The following TEX9 variants were observed in gnomAD, a reference collection of about 807,000 sequenced individuals.
TEX9 encodes the protein testis expressed 9, also known as testis-expressed protein 9.
TEX9 carries 74 observed loss-of-function variants against 59.6 expected under a neutral mutation model. That is an observed-to-expected ratio of 1.24 (90% CI 1.03 to 1.51). The LOEUF is 1.51. Among genes scored for constraint, TEX9 ranks in the 40% most tolerant of loss-of-function variants. The pLI is 0.00. For missense variants in TEX9, 522 were observed against 447.8 expected, an observed-to-expected ratio of 1.17 and a Z score of -1.49; for synonymous variants, 186 against 152.2, an observed-to-expected ratio of 1.22 and a Z score of -1.64.
intron 1 of TEX9, among the ~76,000 whole-genome samples, chr15:56,338,424 A>G (rs1431867443): frequency 1.3e-5 from 2 of 152,214 alleles, no homozygotes; most frequent in African/African-American, 4.8e-5. Flanking sequence ...GGTGCAGTAT[A>G]TGATAGGACT....
At chr15:56,330,436 A>G (rs1414573938) in intron 1 of TEX9, among the ~76,000 whole-genome samples, 1 of 152,194 alleles carries the variant, frequency 6.6e-6, no homozygotes, top group Non-Finnish European at 1.5e-5. Context: ...AGAAAGACTA[A>G]GTGATGAACC....
intron 5 of TEX9, among the ~76,000 whole-genome samples, chr15:56,389,032 G>A (rs1440417836): frequency 6.6e-6 from 1 of 151,982 alleles, no homozygotes; most frequent in African/African-American, 2.4e-5. Context: ...ACTAAATTCT[G>A]TGAGTCAGAA....
chr15:56,272,754 A>G (rs1212257149), intron 1 of TEX9, among the ~76,000 whole-genome samples: 1 of 152,136 alleles, frequency 6.6e-6, no homozygotes, highest in Non-Finnish European at 1.5e-5. Context: ...AATGTATAAC[A>G]TACTCTTTTA....
chr15:56,399,237 A>G (rs1321822368), intron 9 of TEX9, among the ~76,000 whole-genome samples: 2 of 152,214 alleles, frequency 1.3e-5, no homozygotes, highest in African/African-American at 4.8e-5. Context: ...GTACCTGGAA[A>G]AATGGGACAC....
intron 7 of TEX9, among the ~76,000 whole-genome samples, chr15:56,393,474 A>T (rs963606168): frequency 6.6e-6 from 1 of 152,158 alleles, no homozygotes; most frequent in African/African-American, 2.4e-5. Flanking sequence ...CCTCAAGATA[A>T]ATTCCATGAT....
chr15:56,260,627 AT>A (rs2044244628), intron 1 of TEX9, among the ~76,000 whole-genome samples: 1 of 152,142 alleles, frequency 6.6e-6, no homozygotes, highest in East Asian at 1.9e-4. Flanking sequence ...CTTTTTACAT[AT>A]TCTTTGGATT....
At chr15:56,246,302 C>T (rs2043856273) in intron 1 of TEX9, among the ~76,000 whole-genome samples, 1 of 152,202 alleles carries the variant, frequency 6.6e-6, no homozygotes, top group East Asian at 1.9e-4. Flanking sequence ...TGAAGGAGAC[C>T]AGCAATGGGA....
intron 1 of TEX9, chr15:56,248,991 T>C (rs904084487): frequency 1.3e-5 from 2 of 152,226 alleles, no homozygotes; most frequent in African/African-American, 2.4e-5. Context: ...AGTTACTATA[T>C]TGGGACCTTA....
chr15:56,429,139 C>T, intron 12 of TEX9: 1 of 1,601,964 alleles, frequency 6.2e-7, no homozygotes, highest in Non-Finnish European at 8.5e-7. Flanking sequence ...TGTTGATATA[C>T]TTTCCTGAAC....
At chr15:56,402,234 C>T (rs531113282) in intron 9 of TEX9, among the ~76,000 whole-genome samples, 44 of 151,886 alleles carry the variant, frequency 2.9e-4, no homozygotes, top group African/African-American at 8.5e-4. Flanking sequence ...ATTGTTAGAC[C>T]GCTAGCAAGA....
chr15:56,247,429 C>T (rs1378508801), intron 1 of TEX9, among the ~76,000 whole-genome samples: 2 of 152,220 alleles, frequency 1.3e-5, no homozygotes, highest in Non-Finnish European at 2.9e-5. Flanking sequence ...TCATGGCTGG[C>T]ATTTTAATTG....
intron 12 of TEX9, chr15:56,429,123 C>G (rs750563476): frequency 6.3e-7 from 1 of 1,597,326 alleles, no homozygotes; most frequent in Non-Finnish European, 8.5e-7. Context: ...ACAAATTTCA[C>G]TCCTTTGTTG....
intron 10 of TEX9, among the ~76,000 whole-genome samples, chr15:56,425,883 T>C (rs1003718065): frequency 6.6e-6 from 1 of 152,160 alleles, no homozygotes; most frequent in Non-Finnish European, 1.5e-5. Flanking sequence ...CTAATCAGCA[T>C]GGTGTAAAGT....
chr15:56,380,759 T>C (rs1488711763), intron 3 of TEX9, among the ~76,000 whole-genome samples: 5 of 152,222 alleles, frequency 3.3e-5, no homozygotes, highest in African/African-American at 7.2e-5. Flanking sequence ...TCCTGGTCTG[T>C]AAGGTTTCCA....
At chr15:56,443,145 C>T (rs571562906) in intron 12 of TEX9, among the ~76,000 whole-genome samples, 1 of 152,106 alleles carries the variant, frequency 6.6e-6, no homozygotes, top group Non-Finnish European at 1.5e-5. Context: ...CTGTATGTTA[C>T]GTATCTTTCA....
chr15:56,347,356 T>C (rs1473857778), intron 1 of TEX9, among the ~76,000 whole-genome samples: 1 of 152,142 alleles, frequency 6.6e-6, no homozygotes, highest in African/African-American at 2.4e-5. Context: ...AATCAGGGTA[T>C]GTCCTATTGC....
chr15:56,425,563 T>A (rs1416089697), intron 10 of TEX9, among the ~76,000 whole-genome samples: 1 of 152,180 alleles, frequency 6.6e-6, no homozygotes, highest in Non-Finnish European at 1.5e-5. Flanking sequence ...TGTTTGGTTC[T>A]TTTTTGTAAT....
At chr15:56,435,632 G>T (rs2050710320) in intron 12 of TEX9, among the ~76,000 whole-genome samples, 1 of 151,808 alleles carries the variant, frequency 6.6e-6, no homozygotes, top group Non-Finnish European at 1.5e-5. Context: ...TATGAAATAA[G>T]GTAATCTGAA....
intron 1 of TEX9, among the ~76,000 whole-genome samples, chr15:56,342,157 G>A (rs1180273646): frequency 1.3e-5 from 2 of 152,148 alleles, no homozygotes; most frequent in Non-Finnish European, 2.9e-5. Context: ...ACCGTCATCA[G>A]TTGGTACTTC....
Sources: gnomAD v4.1 joint callset for allele counts (sites outside exome capture counted in the v4.1 genomes callset) on GRCh38, gnomAD v4.1.1 for gene constraint, MANE v1.5 for transcripts, NCBI Gene and HGNC (gene_info 2026-07-23, HGNC 2026-07-21) for gene names.